COL6A5: variants seen among roughly 807,000 people sequenced by gnomAD.
COL6A5 encodes the protein collagen type VI alpha 5 chain.
In COL6A5, 48 loss-of-function variants were observed where a neutral mutation model predicts 65.6. The ratio of observed to expected loss-of-function variants is 0.73; its 90% CI spans 0.58 to 0.93. COL6A5 has a LOEUF of 0.93. Ranked by LOEUF, COL6A5 falls within the 40% of genes least tolerant of loss-of-function variation. The pLI is 0.00. For synonymous variants in COL6A5, 291 were observed against 322.8 expected, an observed-to-expected ratio of 0.90 and a Z score of 1.05; for missense variants, 914 against 928.3, an observed-to-expected ratio of 0.98 and a Z score of 0.20.
In COL6A5 at chr3:130,391,698, A is replaced by C. The variant is rs1270009102; in HGVS notation, c.2936A>C (p.Lys979Thr). The change falls in exon 7 of 42, where the codon AAA (lysine) becomes ACA (threonine). Residue 979 changes from lysine (K) to threonine (T), a missense_variant and NMD_transcript_variant. Coordinates refer to the COL6A5 transcript ENST00000312481. ...ACTATCTATGTAGATAATTTTGACA[A>C]ACTGAAAGATGTTTTCACACTTGTT... The C allele has an allele frequency of 1.9e-6, 3 of 1,551,618 alleles. No homozygotes were observed. In the South Asian group the frequency reaches 3.6e-5, roughly 18 times the overall value.
chr3:130,410,021 C>A, exon 19 of COL6A5: 1 of 1,548,456 alleles, frequency 6.5e-7, no homozygotes, highest in South Asian at 1.2e-5. Context: ...TAATCCAGGA[C>A]AAAACAATAA....
At chr3:130,367,767 G>A (rs1935395952) in intron 1 of COL6A5, among the ~76,000 whole-genome samples, 1 of 152,232 alleles carries the variant, frequency 6.6e-6, no homozygotes, top group African/African-American at 2.4e-5. Flanking sequence ...ATAAGGTCCA[G>A]TGAGACTACA....
chr3:130,374,117 C>T (rs1935672314), intron 2 of COL6A5, among the ~76,000 whole-genome samples: 1 of 152,100 alleles, frequency 6.6e-6, no homozygotes, highest in Non-Finnish European at 1.5e-5. Flanking sequence ...TATATATTTA[C>T]ACACAAACAC....
At chr3:130,350,773 C>T (rs1436608961) in intron 1 of COL6A5, among the ~76,000 whole-genome samples, 2 of 152,178 alleles carry the variant, frequency 1.3e-5, no homozygotes, top group East Asian at 3.9e-4. Flanking sequence ...CCCCATCAAG[C>T]TACCAATGAC....
At chr3:130,465,528 C>T (rs1445444048) in intron 5 of COL6A5, among the ~76,000 whole-genome samples, 1 of 151,904 alleles carries the variant, frequency 6.6e-6, no homozygotes, top group Non-Finnish European at 1.5e-5. Context: ...AATAATTAGC[C>T]CTGAATTAAC....
rs183478492 is a variant in COL6A5, at chr3:130,352,053, A to C, written c.-29+6072A>C. On this transcript the variant is annotated intron_variant and NMD_transcript_variant, in intron 1 of 41. Transcript: ENST00000312481. ...TCCATCATCCTCAGCAAACTATCAC[A>C]AGGACAGAAAACCAAACACCGCACG... Among the ~76,000 whole-genome samples the C allele has an allele frequency of 1.4e-3, 211 of 152,268 alleles. 1 individual carries two copies. The highest frequency in any genetic ancestry group is 2.0e-3 in the Non-Finnish European group (138 of 68,030).
At chr3:130,360,903 G>A (rs1486183362) in intron 1 of COL6A5, among the ~76,000 whole-genome samples, 2 of 152,020 alleles carry the variant, frequency 1.3e-5, no homozygotes, top group Non-Finnish European at 2.9e-5. Flanking sequence ...AGTATAGAGA[G>A]CATTTCCATA....
intron 4 of COL6A5, among the ~76,000 whole-genome samples, chr3:130,448,188 A>G (rs1235523463): frequency 6.6e-6 from 1 of 152,170 alleles, no homozygotes; most frequent in Non-Finnish European, 1.5e-5. Context: ...CCACTCCACT[A>G]AATCATTATG....
At chr3:130,403,486 C>A in intron 12 of COL6A5, 123 bp from the exon 13 acceptor site, 2 of 746,136 alleles carry the variant, frequency 2.7e-6, no homozygotes, top group Admixed American at 2.4e-5. Context: ...AACTCACGGC[C>A]ACATCTGCAG....
intron 25 of COL6A5, among the ~76,000 whole-genome samples, chr3:130,420,293 T>A (rs561103476): frequency 1.3e-5 from 2 of 152,198 alleles, no homozygotes; most frequent in African/African-American, 4.8e-5. Context: ...ATCCTGGAAA[T>A]TTTTTAAAAA....
In COL6A5 at chr3:130,431,767, A is replaced by T. The variant is rs1219697715; in HGVS notation, c.307A>T (p.Thr103Ser). 3.3e-5 allele frequency: 51 copies of T among 1,551,448 alleles called. No individual in the cohort carries two copies. The highest frequency in any genetic ancestry group is 4.3e-5 in the Non-Finnish European group (49 of 1,146,934). ...TGTTGGTAATGCAATGAGGTTTGTGACCCGCAACGTGTTCAAGCGGACGTA... is the reference window on the plus strand; with the variant it reads ...TGTTGGTAATGCAATGAGGTTTGTGTCCCGCAACGTGTTCAAGCGGACGTA... The change falls in exon 1 of 8, where the codon ACC becomes TCC. Residue 103 changes from threonine to serine, a missense_variant. By Grantham distance (58) the Thr-to-Ser change is moderately conservative. Transcript: ENST00000512836.
chr3:130,408,119 A>G (rs1450005813), intron 17 of COL6A5, among the ~76,000 whole-genome samples: 1 of 152,190 alleles, frequency 6.6e-6, no homozygotes, highest in Non-Finnish European at 1.5e-5. Flanking sequence ...TTTTCAGGGA[A>G]CAAGGGAGAT....
At chr3:130,484,037 G>T in exon 8 of COL6A5, 4 of 1,608,522 alleles carry the variant, frequency 2.5e-6, no homozygotes, top group South Asian at 1.1e-5. Context: ...TTTTGCAGAT[G>T]GTGAAGATAC....
upstream of COL6A5, chr3:130,429,527 C>T (rs1403716977): frequency 6.6e-7 from 1 of 1,517,658 alleles, no homozygotes; most frequent in Non-Finnish European, 8.9e-7. Context: ...TATTTTTAGT[C>T]TTGTTTCAAG....
intron 1 of COL6A5, among the ~76,000 whole-genome samples, 183 bp from the exon 34 acceptor site, chr3:130,439,339 T>TTGTGTGTGTG (rs5852597): frequency 0.02 from 2,874 of 146,614 alleles, 31 homozygotes; most frequent in South Asian, 0.046. Context: ...AAGCAGGGGA[T>TTGTGTGTGTG]TGTGTGTGTG....
At chr3:130,481,996 G>T (rs1445100192) in intron 7 of COL6A5, among the ~76,000 whole-genome samples, 1 of 152,150 alleles carries the variant, frequency 6.6e-6, no homozygotes, top group African/African-American at 2.4e-5. Context: ...TCTGTAGGTT[G>T]CCTGTTCACT....
intron 7 of COL6A5, among the ~76,000 whole-genome samples, chr3:130,472,786 G>A (rs1273617007): frequency 7.3e-6 from 1 of 137,912 alleles, no homozygotes; most frequent in Non-Finnish European, 1.5e-5. Flanking sequence ...TCCCATATAG[G>A]GGCATATATG....
intron 3 of COL6A5, among the ~76,000 whole-genome samples, chr3:130,442,936 T>C (rs1431002685): frequency 6.6e-6 from 1 of 152,172 alleles, no homozygotes; most frequent in Non-Finnish European, 1.5e-5. Context: ...GTAACATACT[T>C]CTCCATATTC....
chr3:130,391,250 C>T (rs1247211492), exon 7 of COL6A5: 1 of 1,551,580 alleles, frequency 6.4e-7, no homozygotes, highest in East Asian at 2.4e-5. Flanking sequence ...AAAACAATAT[C>T]AAGATCACAT....
Sources: gnomAD v4.1 joint callset for allele counts (sites outside exome capture counted in the v4.1 genomes callset) on GRCh38, gnomAD v4.1.1 for gene constraint, MANE v1.5 for transcripts, NCBI Gene and HGNC (gene_info 2026-07-23, HGNC 2026-07-21) for gene names.